The following MCF2 variants were observed in gnomAD, a reference collection of about 807,000 sequenced individuals.
MCF2 encodes MCF.2 cell line derived transforming sequence, also known as proto-oncogene DBL.
A neutral mutation model predicts 82.5 loss-of-function variants in MCF2; 44 were observed. That is an observed-to-expected ratio of 0.53 (90% CI 0.42 to 0.69). The LOEUF is 0.69. Ranked by LOEUF, MCF2 falls within the 30% of genes least tolerant of loss-of-function variation. MCF2 has a pLI of 0.00. For synonymous variants in MCF2, 217 were observed against 224.9 expected (o/e 0.96, Z 0.32); for missense variants, 623 against 663.1 (o/e 0.94, Z 0.66).
chrX:139,685,090 G>C (rs186824572), intron 1 of MCF2, among the ~76,000 whole-genome samples: 6 of 111,148 alleles, frequency 5.4e-5, no homozygotes, highest in African/African-American at 2.0e-4. Context: ...TTAAGAACTA[G>C]AATAAGACAA....
intron 1 of MCF2, among the ~76,000 whole-genome samples, chrX:139,635,635 C>G (rs1297154090): frequency 9.1e-6 from 1 of 109,316 alleles, no homozygotes; most frequent in Non-Finnish European, 1.9e-5. Flanking sequence ...CCAGCCTGGG[C>G]AACAGGGTGA....
At chrX:139,669,259 T>C (rs781258798) in intron 1 of MCF2, among the ~76,000 whole-genome samples, 1 of 112,000 alleles carries the variant, frequency 8.9e-6, no homozygotes, top group Non-Finnish European at 1.9e-5. Flanking sequence ...GATATACAAG[T>C]GGTCCATGAG....
intron 1 of MCF2, among the ~76,000 whole-genome samples, chrX:139,706,034 G>C (rs1935583469): frequency 8.9e-6 from 1 of 112,472 alleles, no homozygotes; most frequent in African/African-American, 3.2e-5. Context: ...ACACCAGTCA[G>C]AATGGCTATT....
intron 1 of MCF2, among the ~76,000 whole-genome samples, chrX:139,667,879 G>C (rs1307846904): frequency 8.9e-6 from 1 of 111,961 alleles, no homozygotes; most frequent in Admixed American, 9.4e-5. Flanking sequence ...ATACTGCTTG[G>C]GCATGCTGGC....
chrX:139,589,748 G>T, intron 20 of MCF2, 87 bp downstream of exon 24: 1 of 653,044 alleles, frequency 1.5e-6, no homozygotes, highest in South Asian at 2.5e-5. Context: ...ATTTTGAAAT[G>T]CGACCAAAAT....
chrX:139,692,199 C>T (rs1935287809), intron 1 of MCF2: 2 of 846,320 alleles, frequency 2.4e-6, no homozygotes, highest in African/African-American at 4.0e-5. Context: ...GCTGGAGAGC[C>T]GGGCAGGGCC....
intron 1 of MCF2, among the ~76,000 whole-genome samples, chrX:139,694,324 A>C (rs1935337570): frequency 9.1e-6 from 1 of 110,487 alleles, no homozygotes; most frequent in Non-Finnish European, 1.9e-5. Flanking sequence ...TCAAATCACA[A>C]ATGGGAGGTT....
At chrX:139,654,944 C>G (rs1934147361) in intron 1 of MCF2, among the ~76,000 whole-genome samples, 1 of 111,705 alleles carries the variant, frequency 9.0e-6, no homozygotes, top group Admixed American at 9.5e-5. Flanking sequence ...TCGAATATGA[C>G]TTGGCTGTAA....
At chrX:139,670,390 G>A (rs1603304843) in intron 1 of MCF2, among the ~76,000 whole-genome samples, 1 of 111,177 alleles carries the variant, frequency 9.0e-6, no homozygotes, top group African/African-American at 3.3e-5. Flanking sequence ...GTATACATGT[G>A]CCATGTTGGT....
intron 6 of MCF2, among the ~76,000 whole-genome samples, chrX:139,623,424 C>T (rs1327617098): frequency 9.0e-6 from 1 of 111,523 alleles, no homozygotes; most frequent in Non-Finnish European, 1.9e-5. Context: ...ATGTCTTTTG[C>T]AGCAACATGA....
chrX:139,631,680 A>G (rs1932934142), intron 2 of MCF2, among the ~76,000 whole-genome samples, 169 bp from the exon 6 acceptor site: 3 of 111,691 alleles, frequency 2.7e-5, no homozygotes, highest in Admixed American at 9.6e-5. Context: ...CCTTCTTCAG[A>G]TAATAACAGT....
intron 8 of MCF2, 37 bp downstream of exon 11, chrX:139,617,476 T>C: frequency 1.8e-6 from 2 of 1,082,678 alleles, no homozygotes; most frequent in Non-Finnish European, 2.4e-6. Context: ...AAAATGTGTG[T>C]TCCTTTTCAG....
chrX:139,656,116 C>T (rs1934189303), intron 1 of MCF2, among the ~76,000 whole-genome samples: 1 of 112,206 alleles, frequency 8.9e-6, no homozygotes. Flanking sequence ...GGCTGAAGTG[C>T]AGTGGCGCGA....
chrX:139,698,248 A>G (rs1935421263), intron 1 of MCF2, among the ~76,000 whole-genome samples: 1 of 113,153 alleles, frequency 8.8e-6, no homozygotes. Flanking sequence ...CTTGTAATAG[A>G]GCAAACAACT....
At position 139,624,533 on chromosome X, in the gene MCF2, A is replaced by G. The variant is rs191736188; in HGVS notation, c.687+1660T>C. On this transcript the variant is annotated intron_variant, in intron 6 of 24. Coordinates refer to ENST00000370576, the Ensembl canonical transcript of MCF2. ...CAGCCTGGGAGACAGAACTGTCTCAAAAAAAAAAAAAAAGGACTATATTCT... is the reference window on the plus strand; with the variant it reads ...CAGCCTGGGAGACAGAACTGTCTCAGAAAAAAAAAAAAAGGACTATATTCT... 3.3e-3 allele frequency among the ~76,000 whole-genome samples: 330 copies of G among 101,270 alleles called. 2 individuals are homozygous for G. Among genetic ancestry groups the G allele is most frequent in the African/African-American group, 0.012 (306 of 25,547 alleles). The allele number at this position is 101,270 out of a possible 115,157, so 87.9% of individuals were successfully genotyped here. A position where few individuals can be genotyped will look rare whatever the true frequency, so the allele number is the denominator to read the frequency against.
At chrX:139,667,101 C>T (rs944622568) in intron 1 of MCF2, among the ~76,000 whole-genome samples, 1 of 110,732 alleles carries the variant, frequency 9.0e-6, no homozygotes, top group African/African-American at 3.3e-5. Flanking sequence ...GTAAACTTCT[C>T]ATTCATACCC....
chrX:139,616,401 C>A, exon 9 of MCF2: 3 of 1,180,588 alleles, frequency 2.5e-6, no homozygotes, highest in Non-Finnish European at 3.4e-6. Context: ...TTCTGAGCAT[C>A]TTCTTTAGAC....
chrX:139,620,013 G>C, intron 6 of MCF2, among the ~76,000 whole-genome samples: 1 of 105,444 alleles, frequency 9.5e-6, no homozygotes, highest in South Asian at 4.2e-4. Context: ...GTGTGTGTGT[G>C]TGTGTGTGTG....
chrX:139,649,989 T>A (rs774439366), intron 2 of MCF2, among the ~76,000 whole-genome samples: 3 of 112,310 alleles, frequency 2.7e-5, no homozygotes, highest in Admixed American at 1.9e-4. Flanking sequence ...AAGTCATCAT[T>A]AATTCACAGT....
Sources: gnomAD v4.1 joint callset for allele counts (sites outside exome capture counted in the v4.1 genomes callset) on GRCh38, gnomAD v4.1.1 for gene constraint, MANE v1.5 for transcripts, NCBI Gene and HGNC (gene_info 2026-07-23, HGNC 2026-07-21) for gene names.